The following UGT2B17 variants were observed in gnomAD, a reference collection of about 807,000 sequenced individuals.
UGT2B17 encodes the protein UDP-glucuronosyltransferase 2B17.
In UGT2B17, 21 loss-of-function variants were observed where a neutral mutation model predicts 48.2. The ratio of observed to expected loss-of-function variants is 0.44; its 90% CI spans 0.31 to 0.63. The LOEUF is 0.63. UGT2B17 is among the 20% of genes least tolerant of loss of function. UGT2B17 has a pLI of 0.08. For missense variants in UGT2B17, 402 were observed against 696.1 expected, an observed-to-expected ratio of 0.58 and a Z score of 4.75; for synonymous variants, 146 against 238.4, an observed-to-expected ratio of 0.61 and a Z score of 3.57.
chr4:68,573,369 G>GT lies in UGT2B17; in HGVS notation c.-65+2581dup, dbSNP rs751304664. Among the ~76,000 whole-genome samples, 229 of 112,268 alleles carry GT rather than the reference G, an allele frequency of 2.0e-3. 32 individuals carry two copies. The highest frequency in any genetic ancestry group is 2.7e-3 in the African/African-American group (87 of 32,458). 73.7% of individuals were successfully genotyped at this position (112,268 alleles called of 152,430 possible). On this transcript the variant is annotated intron_variant, in intron 1 of 6. Transcript: ENST00000317746. ...AGCCTCAGGGCTGGGGCCGACATGA[G>GT]TTTTTTTTTTTTTTTTAACTCATGA...
chr4:68,573,662 A>G (rs1731327662), intron 1 of UGT2B17, among the ~76,000 whole-genome samples: 1 of 126,308 alleles, frequency 7.9e-6, no homozygotes, highest in African/African-American at 2.7e-5. Context: ...GGATAGCCCA[A>G]TGGACTAAGG....
chr4:68,538,871 G>A lies in UGT2B17; in HGVS notation c.1314-967C>T, dbSNP rs573023083. On this transcript the variant is annotated intron_variant, in intron 6 of 6. Transcript: ENST00000317746. ...CCTGAAGGTGTTCTCACCTTAGCCC[G>A]TTTACACCTTTTGTTCCCCGTGTCT... 4.0e-5 allele frequency among the ~76,000 whole-genome samples: 5 copies of A among 125,208 alleles called. 2 individuals are homozygous for A. In the South Asian group the frequency reaches 1.5e-3, roughly 38 times the overall value. The allele number at this position is 125,208 out of a possible 152,430, so 82.1% of individuals were successfully genotyped here. A position where few individuals can be genotyped will look rare whatever the true frequency, so the allele number is the denominator to read the frequency against.
At position 68,548,897 on chromosome 4, in the gene UGT2B17, T is replaced by C. The variant is rs900660891; in HGVS notation, c.1313+1780A>G. Among the ~76,000 whole-genome samples, 7 of 124,982 alleles carry C rather than the reference T, an allele frequency of 5.6e-5. 1 individual carries two copies. Among genetic ancestry groups the C allele is most frequent in the African/African-American group, 1.9e-4 (7 of 36,784 alleles). 82.0% of individuals were successfully genotyped at this position (124,982 alleles called of 152,430 possible). ...AAGTTGCTTATCAGCTTAAGGAATTTTAGAACTGAGATGAAGGGGTTTTCT... is the reference window on the plus strand; with the variant it reads ...AAGTTGCTTATCAGCTTAAGGAATTCTAGAACTGAGATGAAGGGGTTTTCT... On this transcript the variant is annotated intron_variant, in intron 6 of 6. Coordinates refer to ENST00000317746, the MANE Select transcript of UGT2B17 (RefSeq NM_001077.4).
intron 4 of UGT2B17, among the ~76,000 whole-genome samples, chr4:68,553,119 T>C (rs1730944831): frequency 8.0e-6 from 1 of 125,732 alleles, no homozygotes; most frequent in Non-Finnish European, 1.7e-5. Flanking sequence ...ATGATCACAT[T>C]TTTGGGAGTA....
In UGT2B17 at chr4:68,546,033, C is replaced by T. The variant is rs778185499; in HGVS notation, c.1313+4644G>A. ...GGTACCCTTCCTTCTGAAACTATTC[C>T]AATCAACAGAAAAAGAGGGAATCCT... On this transcript the variant is annotated intron_variant, in intron 6 of 6. Transcript: ENST00000317746. Among the ~76,000 whole-genome samples the T allele has an allele frequency of 1.1e-4, 14 of 125,874 alleles. 3 individuals carry two copies. The highest frequency in any genetic ancestry group is 2.4e-4 in the Admixed American group (3 of 12,394). 82.6% of individuals were successfully genotyped at this position (125,874 alleles called of 152,430 possible).
At chr4:68,563,145 CT>C (rs1356041488) in intron 3 of UGT2B17, among the ~76,000 whole-genome samples, 1 of 127,046 alleles carries the variant, frequency 7.9e-6, no homozygotes, top group Non-Finnish European at 1.7e-5. Context: ...ACACTTGATA[CT>C]TTTTGGCAAG....
rs570777389 is a variant in UGT2B17 at position 68,565,954 on chromosome 4, T to C, written c.725-234A>G. ...TAATATTAAATACATTATATTAAAT[T>C]AATGTATTTAATATATGTTAATATA... On this transcript the variant is annotated intron_variant, in intron 2 of 6. Transcript: ENST00000317746. Among the ~76,000 whole-genome samples, 3 of 118,922 alleles carry C rather than the reference T, an allele frequency of 2.5e-5. 1 individual carries two copies. Among genetic ancestry groups the C allele is most frequent in the Non-Finnish European group, 5.2e-5 (3 of 58,072 alleles). The allele number at this position is 118,922 out of a possible 152,430, so 78.0% of individuals were successfully genotyped here.
chr4:68,548,874 G>A (rs1162763435), intron 6 of UGT2B17, among the ~76,000 whole-genome samples: 1 of 125,032 alleles, frequency 8.0e-6, no homozygotes, highest in African/African-American at 2.7e-5. Context: ...CTTTGCTGAA[G>A]TTGCTTATCA....
intron 4 of UGT2B17, among the ~76,000 whole-genome samples, chr4:68,554,129 A>G (rs1228848191): frequency 7.9e-6 from 1 of 126,012 alleles, no homozygotes; most frequent in Non-Finnish European, 1.7e-5. Flanking sequence ...GACACGTAAG[A>G]GGGTGGAAAC....
At position 68,567,283 on chromosome 4, in the gene UGT2B17, T is replaced by A. The variant is rs1345481858; in HGVS notation, c.724+478A>T. Among the ~76,000 whole-genome samples the A allele has an allele frequency of 1.9e-4, 24 of 126,262 alleles. 11 individuals are homozygous for A. The South Asian group carries it at 7.0e-3, about 37-fold the overall frequency. The allele number at this position is 126,262 out of a possible 152,430, so 82.8% of individuals were successfully genotyped here. A position where few individuals can be genotyped will look rare whatever the true frequency, so the allele number is the denominator to read the frequency against. Reference sequence around the variant, plus strand: ...GTTTCTGGAGTAGAGCCACTATATTTCTCAACTGTGAAGGAATCCTTCTTA... The same window carrying A: ...GTTTCTGGAGTAGAGCCACTATATTACTCAACTGTGAAGGAATCCTTCTTA... On this transcript the variant is annotated intron_variant, in intron 2 of 6. Transcript: ENST00000317746.
rs538586535 is a variant in UGT2B17, at chr4:68,539,133, G to T, written c.1314-1229C>A. ...AAATACATAGGATAAATGTATATAC[G>T]CTATGTGACTATCTCAAAATTTTAA... On this transcript the variant is annotated intron_variant, in intron 6 of 6. Coordinates refer to ENST00000317746, the MANE Select transcript of UGT2B17 (RefSeq NM_001077.4). Among the ~76,000 whole-genome samples, 163 of 125,372 alleles carry T rather than the reference G, an allele frequency of 1.3e-3. 29 individuals are homozygous for T. Among genetic ancestry groups the T allele is most frequent in the Middle Eastern group, 8.1e-3 (2 of 248 alleles). The allele number at this position is 125,372 out of a possible 152,430, so 82.2% of individuals were successfully genotyped here.
In UGT2B17 at chr4:68,562,875, AT is replaced by A. The variant is rs1236687501; in HGVS notation, c.874-2208del. Among the ~76,000 whole-genome samples the A allele has an allele frequency of 3.2e-5, 4 of 126,180 alleles. 1 individual carries two copies. The highest frequency in any genetic ancestry group is 6.7e-5 in the Non-Finnish European group (4 of 59,618). 82.8% of individuals were successfully genotyped at this position (126,180 alleles called of 152,430 possible). ...AAATTGTGATCTTGTTCTACTCATC[AT>A]TCTGTTCCTTAGTTTCCAACTATAC... On this transcript the variant is annotated intron_variant, in intron 3 of 6. Transcript: ENST00000317746.
intron 4 of UGT2B17, among the ~76,000 whole-genome samples, chr4:68,559,602 CTG>C (rs1560579333): frequency 7.9e-6 from 1 of 126,166 alleles, no homozygotes; most frequent in Non-Finnish European, 1.7e-5. Flanking sequence ...TAAAGTAACT[CTG>C]TGTTTTCAGC....
rs1243098059 is a variant in UGT2B17, at chr4:68,575,147, C to A, written c.-65+804G>T. ...CAATTATCCTTTGCTATTAATAAGACCTTGTTTAGTCTAAATTTACTTAGA... is the reference window on the plus strand; with the variant it reads ...CAATTATCCTTTGCTATTAATAAGAACTTGTTTAGTCTAAATTTACTTAGA... On this transcript the variant is annotated intron_variant, in intron 1 of 6. Transcript: ENST00000317746. 5.8e-5 allele frequency among the ~76,000 whole-genome samples: 7 copies of A among 120,602 alleles called. 2 individuals carry two copies. Among genetic ancestry groups the A allele is most frequent in the South Asian group, 3.8e-4 (1 of 2,632 alleles). The allele number at this position is 120,602 out of a possible 152,430, so 79.1% of individuals were successfully genotyped here. A position where few individuals can be genotyped will look rare whatever the true frequency, so the allele number is the denominator to read the frequency against.
chr4:68,564,251 C>A lies in UGT2B17; in HGVS notation c.873+1321G>T, dbSNP rs184601319. Among the ~76,000 whole-genome samples, 115 of 113,128 alleles carry A rather than the reference C, an allele frequency of 1.0e-3. 22 individuals are homozygous for A. The highest frequency in any genetic ancestry group is 1.0e-3 in the Admixed American group (11 of 10,784). 74.2% of individuals were successfully genotyped at this position (113,128 alleles called of 152,430 possible). A position where few individuals can be genotyped will look rare whatever the true frequency, so the allele number is the denominator to read the frequency against. ...ACTCTTTTCAGTAGCTCTCCATTGT[C>A]CTTAATGGGTATATCAAATTTCATA... On this transcript the variant is annotated intron_variant, in intron 3 of 6. Transcript: ENST00000317746.
rs998752399 is a variant in UGT2B17, at chr4:68,537,759, TC to T, written c.1458del (p.Trp486Ter). 1 of 1,379,570 alleles carries T rather than the reference TC, an allele frequency of 7.2e-7. No homozygotes were observed. Among genetic ancestry groups the T allele is most frequent in the African/African-American group, 1.5e-5 (1 of 67,910 alleles). The allele number at this position is 1,379,570 out of a possible 1,614,324, so 85.5% of individuals were successfully genotyped here. On this transcript the variant is annotated frameshift_variant, in exon 7 of 7. Transcript: ENST00000317746. LOFTEE classifies it low-confidence loss of function (END_TRUNC). ...ATCACATCCAAAGAGTGGTACTGGATCCAGGTGAGGTTGTGGGCTGCGACCC... is the reference window on the plus strand; with the variant it reads ...ATCACATCCAAAGAGTGGTACTGGATCAGGTGAGGTTGTGGGCTGCGACCC... ...HLRVAAHNLT[W>X]IQYHSLDVIA...
Position 68,555,992 on chromosome 4 carries a change from T to C in UGT2B17, c.1006-4081A>G, listed in dbSNP as rs1272849700. Among the ~76,000 whole-genome samples, 13 of 117,274 alleles carry C rather than the reference T, an allele frequency of 1.1e-4. 2 individuals are homozygous for C. Among genetic ancestry groups the C allele is most frequent in the African/African-American group, 3.5e-4 (12 of 34,654 alleles). The allele number at this position is 117,274 out of a possible 152,430, so 76.9% of individuals were successfully genotyped here. On this transcript the variant is annotated intron_variant, in intron 4 of 6. Coordinates refer to ENST00000317746, the MANE Select transcript of UGT2B17 (RefSeq NM_001077.4). The stretch of plus-strand genomic sequence containing the variant: ...TTATATGAGAAAGAATCTTGTGTGG[T>C]AAATTTAGTCCTAGAATAAAATGAT...
intron 1 of UGT2B17, among the ~76,000 whole-genome samples, chr4:68,569,470 C>T (rs1210777857): frequency 8.0e-6 from 1 of 125,670 alleles, no homozygotes; most frequent in Non-Finnish European, 1.7e-5. Flanking sequence ...TGGGAGCTCT[C>T]TGGATACCCA....
At chr4:68,558,192 A>G (rs11731760) in intron 4 of UGT2B17, among the ~76,000 whole-genome samples, 54,508 of 119,006 alleles carry the variant, frequency 0.46, 20,299 homozygotes, top group Middle Eastern at 0.72. Flanking sequence ...TAAAATTGGG[A>G]AACTGAAGAC....
Sources: gnomAD v4.1 joint callset for allele counts (sites outside exome capture counted in the v4.1 genomes callset) on GRCh38, gnomAD v4.1.1 for gene constraint, MANE v1.5 for transcripts, NCBI Gene and HGNC (gene_info 2026-07-23, HGNC 2026-07-21) for gene names.